The following LANCL3 variants were observed in gnomAD, a reference collection of about 807,000 sequenced individuals.
LANCL3 encodes LanC like family member 3.
LANCL3 carries 19 observed loss-of-function variants against 26.5 expected under a neutral mutation model. The observed-to-expected ratio is 0.72, with a 90% CI of 0.50 to 1.05. The LOEUF (loss-of-function observed/expected upper bound fraction) is 1.05, where lower values mean the gene tolerates loss of function less well. Among genes scored for constraint, LANCL3 ranks in the 50% least tolerant of loss-of-function variants. The pLI is 0.00. For synonymous variants in LANCL3, 160 were observed against 166.6 expected, an observed-to-expected ratio of 0.96 and a Z score of 0.30; for missense variants, 318 against 362.7, an observed-to-expected ratio of 0.88 and a Z score of 1.00.
At chrX:37,669,488 T>C (rs1187167733) in intron 4 of LANCL3, among the ~76,000 whole-genome samples, 2 of 111,748 alleles carry the variant, frequency 1.8e-5, no homozygotes, top group African/African-American at 3.3e-5. Context: ...CTCTTGGTAC[T>C]GTATAGTGAT....
At chrX:37,604,945 C>T (rs1556420390) in intron 1 of LANCL3, among the ~76,000 whole-genome samples, 1 of 112,493 alleles carries the variant, frequency 8.9e-6, no homozygotes, top group African/African-American at 3.2e-5. Flanking sequence ...GTCTCAGAGG[C>T]AGCATGAAAT....
At chrX:37,593,540 A>G (rs1465125526) in intron 1 of LANCL3, among the ~76,000 whole-genome samples, 1 of 112,467 alleles carries the variant, frequency 8.9e-6, no homozygotes, top group Non-Finnish European at 1.9e-5. Flanking sequence ...AAAGTGTTTT[A>G]ATTTTTTGCC....
chrX:37,634,248 T>G (rs781872123), intron 1 of LANCL3, among the ~76,000 whole-genome samples: 1 of 112,585 alleles, frequency 8.9e-6, no homozygotes, highest in African/African-American at 3.2e-5. Context: ...AGGTGCAGGA[T>G]ATAATCTCCT....
In LANCL3 at chrX:37,667,454, C is replaced by T. The variant is rs961763485; in HGVS notation, c.1068C>T (p.Leu356=). ...SAYVFLLLYR[L]TGNSKYIYRA... ...ATGTCTTCCTGCTGCTGTACCGGCTCACGGGAAACTCTAAATACATCTACC... is the reference window on the plus strand; with the variant it reads ...ATGTCTTCCTGCTGCTGTACCGGCTTACGGGAAACTCTAAATACATCTACC... Residue 356 remains leucine (L), a synonymous_variant, in exon 4 of 5, where the codon CTC becomes CTT. Transcript: ENST00000378619. 4.2e-6 allele frequency: 5 copies of T among 1,192,971 alleles called. No individual in the cohort carries two copies. Among genetic ancestry groups the T allele is most frequent in the Non-Finnish European group, 5.6e-6 (5 of 887,797 alleles).
At chrX:37,670,255 T>C (rs1556435610) in intron 4 of LANCL3, among the ~76,000 whole-genome samples, 1 of 112,075 alleles carries the variant, frequency 8.9e-6, no homozygotes, top group Admixed American at 9.5e-5. Flanking sequence ...TAACTCTTTG[T>C]CAATGTATGC....
intron 1 of LANCL3, among the ~76,000 whole-genome samples, chrX:37,596,026 G>C (rs1382347561): frequency 1.6e-4 from 18 of 111,892 alleles, no homozygotes; most frequent in African/African-American, 5.5e-4. Flanking sequence ...CTTATTTCCA[G>C]TAAGTTTACT....
At chrX:37,666,012 A>C (rs1432870571) in intron 3 of LANCL3, among the ~76,000 whole-genome samples, 2 of 112,578 alleles carry the variant, frequency 1.8e-5, no homozygotes, top group African/African-American at 3.2e-5. Flanking sequence ...TGCTGTAGGT[A>C]AACATTGTCA....
At chrX:37,668,257 C>CTATATATATATATATATATA (rs200578896) in intron 4 of LANCL3, 2 of 124,324 alleles carry the variant, frequency 1.6e-5, no homozygotes, top group African/African-American at 7.6e-5. Context: ...AATTGCTGGA[C>CTATATATATATATATATATA]TATATATATA....
intron 1 of LANCL3, among the ~76,000 whole-genome samples, chrX:37,610,285 T>C (rs1924830547): frequency 9.0e-6 from 1 of 111,671 alleles, no homozygotes; most frequent in Non-Finnish European, 1.9e-5. Context: ...GTGAGCATCC[T>C]AAGAGAATAT....
chrX:37,645,809 G>T (rs181301610), intron 1 of LANCL3, among the ~76,000 whole-genome samples: 1 of 111,938 alleles, frequency 8.9e-6, no homozygotes, highest in East Asian at 2.8e-4. Flanking sequence ...TTGTAACAAG[G>T]AGCTTGTTAG....
At chrX:37,596,583 G>A (rs1924435846) in intron 1 of LANCL3, among the ~76,000 whole-genome samples, 1 of 111,931 alleles carries the variant, frequency 8.9e-6, no homozygotes, top group South Asian at 3.7e-4. Flanking sequence ...TGGCAGTTAC[G>A]ATTCTGTCAT....
chrX:37,675,894 GT>G lies in LANCL3; in HGVS notation c.*82del, dbSNP rs111661537. The G allele has an allele frequency of 2.8e-3, 2,165 of 767,231 alleles. 39 individuals carry two copies. In the African/African-American group the frequency reaches 0.043, roughly 15 times the overall value. The allele number at this position is 767,231 out of a possible 1,213,427, so 63.2% of individuals were successfully genotyped here. On this transcript the variant is annotated 3_prime_UTR_variant, in exon 5 of 5. Coordinates refer to ENST00000378619, the MANE Select transcript of LANCL3 (RefSeq NM_001170331.2). ...GTTTCCACATAAGCCACATTCAATG[GT>G]ATCGCAACCATGAGCCTTAACATTG...
At chrX:37,572,511 G>T (rs1394258830) in intron 1 of LANCL3, 68 bp downstream of exon 1, 38 of 958,776 alleles carry the variant, frequency 4.0e-5, no homozygotes, top group Middle Eastern at 5.1e-4. Context: ...CGGACTCCGT[G>T]GCTCGGGCAG....
intron 1 of LANCL3, among the ~76,000 whole-genome samples, chrX:37,632,383 G>C (rs1339683661): frequency 1.8e-5 from 2 of 111,472 alleles, no homozygotes; most frequent in South Asian, 3.7e-4. Flanking sequence ...ATACAGCACT[G>C]TGATGGGTCT....
intron 1 of LANCL3, among the ~76,000 whole-genome samples, chrX:37,587,007 T>A (rs1320322096): frequency 6.2e-5 from 7 of 112,911 alleles, no homozygotes; most frequent in African/African-American, 2.3e-4. Flanking sequence ...TTAGTTTTCC[T>A]TCTAACAGTC....
intron 1 of LANCL3, among the ~76,000 whole-genome samples, chrX:37,629,199 T>A (rs1389797576): frequency 2.7e-5 from 3 of 109,558 alleles, no homozygotes; most frequent in African/African-American, 1.0e-4. Context: ...TGATGGCCAG[T>A]GATGATGGGC....
intron 1 of LANCL3, among the ~76,000 whole-genome samples, chrX:37,621,001 C>A (rs1925141357): frequency 9.1e-6 from 1 of 110,165 alleles, no homozygotes; most frequent in East Asian, 2.9e-4. Flanking sequence ...GCACTCAGCT[C>A]ACATCTCAAC....
rs1858265 is a variant in LANCL3, at chrX:37,589,717, G to C, written c.573+17274G>C. On this transcript the variant is annotated intron_variant, in intron 1 of 4. Transcript: ENST00000378619. ...TGCTTTAGCGTAGGGTGCTAAAGCA[G>C]TCTACATTGACTAAATAGCATATGT... 9.0e-3 allele frequency among the ~76,000 whole-genome samples: 997 copies of C among 111,007 alleles called. 39 individuals carry two copies. Among genetic ancestry groups the C allele is most frequent in the African/African-American group, 0.032 (938 of 29,481 alleles).
chrX:37,623,270 A>T (rs1214617331), intron 1 of LANCL3, among the ~76,000 whole-genome samples: 1 of 111,925 alleles, frequency 8.9e-6, no homozygotes, highest in Non-Finnish European at 1.9e-5. Flanking sequence ...GAAACACTTA[A>T]TTCTCCTGAA....
Sources: gnomAD v4.1 joint callset for allele counts (sites outside exome capture counted in the v4.1 genomes callset) on GRCh38, gnomAD v4.1.1 for gene constraint, MANE v1.5 for transcripts, NCBI Gene and HGNC (gene_info 2026-07-23, HGNC 2026-07-21) for gene names.